The following OSCP1 variants were observed in gnomAD, a reference collection of about 807,000 sequenced individuals.
OSCP1 encodes the protein organic solute carrier partner 1.
In OSCP1, 35 loss-of-function variants were observed where a neutral mutation model predicts 45.1. That is an observed-to-expected ratio of 0.78 (90% CI 0.59 to 1.03). The LOEUF (loss-of-function observed/expected upper bound fraction) is 1.03. OSCP1 is among the 50% of genes least tolerant of loss of function. The pLI, the probability that OSCP1 is intolerant of heterozygous loss-of-function variation, is 0.00. For synonymous variants in OSCP1, 179 were observed against 180.1 expected (o/e 0.99, Z 0.05); for missense variants, 400 against 470.7 (o/e 0.85, Z 1.39).
Position 36,447,197 on chromosome 1 carries a change from A to G in OSCP1, c.112+3061T>C, listed in dbSNP as rs1394164066. Among the ~76,000 whole-genome samples the G allele has an allele frequency of 1.3e-5, 2 of 152,170 alleles. No homozygotes were observed. Among genetic ancestry groups the G allele is most frequent in the Non-Finnish European group, 2.9e-5 (2 of 68,022 alleles). ...CAGGGGCTCTCGCTCCTGTGGCCAC[A>G]ACAACTTTAAATGGTGGAATAGGTG... is the stretch of plus-strand genomic sequence containing the variant. On this transcript the variant is annotated intron_variant, in intron 1 of 9. Transcript: ENST00000235532. This position sits in a 1 kb window ranked among gnomAD's most constrained non-coding sequence, Gnocchi z 4.1.
At chr1:36,441,514 C>T (rs556098135) in intron 1 of OSCP1, among the ~76,000 whole-genome samples, 3 of 151,666 alleles carry the variant, frequency 2.0e-5, no homozygotes, top group South Asian at 2.1e-4. Context: ...TTTGGGAGGC[C>T]GAGGCGGGCG....
intron 4 of OSCP1, chr1:36,428,287 A>G (rs753718642): frequency 1.2e-6 from 2 of 1,603,264 alleles, no homozygotes; most frequent in East Asian, 4.5e-5. Context: ...ATAAGGCACT[A>G]AATACATTGC....
At position 36,420,489 on chromosome 1, in the gene OSCP1, C is replaced by T. The variant is rs148013964; in HGVS notation, c.946G>A (p.Asp316Asn). Residue 316 changes from aspartate (D) to asparagine (N), a missense_variant, in exon 8 of 10, where the codon GAT becomes AAT. Transcript: ENST00000235532. ...TTTAAAACATACTCCTCTTCTTCAT[C>T]GGTGGTAAAGAGATTCAACCGGAAT... ...PGFRLNLFTT[D>N]EEEEQAALTR... is the part of the protein sequence containing the mutation. 20 of 1,613,266 alleles carry T rather than the reference C, an allele frequency of 1.2e-5. No homozygotes were observed. The highest frequency in any genetic ancestry group is 1.1e-4 in the South Asian group (10 of 90,942).
intron 7 of OSCP1, among the ~76,000 whole-genome samples, chr1:36,421,819 T>G (rs1429478653): frequency 3.9e-5 from 6 of 152,196 alleles, no homozygotes; most frequent in African/African-American, 1.4e-4. Flanking sequence ...AAGAAATGTT[T>G]TAATGATCAG....
At chr1:36,418,929 G>GAAAAAA in intron 9 of OSCP1, 62 bp downstream of exon 9, 1 of 1,075,640 alleles carries the variant, frequency 9.3e-7, no homozygotes, top group Admixed American at 2.5e-5. Context: ...CCTGTCTCAA[G>GAAAAAA]AAAAAAAAAA....
intron 1 of OSCP1, among the ~76,000 whole-genome samples, chr1:36,449,426 TA>T (rs61706696): frequency 0.3 from 44,421 of 149,564 alleles, 6,807 homozygotes; most frequent in Admixed American, 0.4. Context: ...ATAACTTTCT[TA>T]TTTTTTTCAT....
In OSCP1 at chr1:36,418,983, G is replaced by A. The variant is rs768447921; in HGVS notation, c.1023+8C>T. 34 of 1,590,706 alleles carry A rather than the reference G, an allele frequency of 2.1e-5. 1 individual carries two copies. In the South Asian group the frequency reaches 3.5e-4, roughly 17 times the overall value. ...ACGATTGGACCCTGTGTTATCCCCT[G>A]TACGTACCTGGGTGGCTTGTATGTT... On this transcript the variant is annotated splice_region_variant and intron_variant, in intron 9 of 9. Transcript: ENST00000235532.
At chr1:36,437,814 C>G (rs115442931) in intron 2 of OSCP1, among the ~76,000 whole-genome samples, 15,557 of 152,096 alleles carry the variant, frequency 0.1, 951 homozygotes, top group East Asian at 0.29. Context: ...ACCATGCCCA[C>G]TCAGGGTTGA....
chr1:36,431,706 G>A, intron 4 of OSCP1, 96 bp downstream of exon 4: 1 of 1,202,322 alleles, frequency 8.3e-7, no homozygotes, highest in Non-Finnish European at 1.2e-6. Flanking sequence ...TCACTAACTG[G>A]GCAAAATCTC....
chr1:36,441,000 G>A (rs944340694), intron 1 of OSCP1: 7 of 152,234 alleles, frequency 4.6e-5, no homozygotes, highest in African/African-American at 1.7e-4. Flanking sequence ...AGTTCTGGAC[G>A]AAAGAATACC....
intron 4 of OSCP1, chr1:36,428,244 T>C: frequency 6.9e-7 from 1 of 1,441,384 alleles, no homozygotes; most frequent in South Asian, 1.7e-5. Flanking sequence ...TTGAAATCTA[T>C]TTATCTTCCT....
At chr1:36,422,942 T>C in intron 5 of OSCP1, 46 bp from the exon 6 acceptor site, 1 of 1,520,068 alleles carries the variant, frequency 6.6e-7, no homozygotes, top group Non-Finnish European at 8.8e-7. Context: ...CAAGCTTAGG[T>C]AGTCCTGGAG....
chr1:36,438,994 C>G, intron 1 of OSCP1, 84 bp from the exon 2 acceptor site: 2 of 1,468,402 alleles, frequency 1.4e-6, no homozygotes, highest in Non-Finnish European at 1.9e-6. Flanking sequence ...GGTACAGGAG[C>G]TGAGCGTGTA....
intron 2 of OSCP1, among the ~76,000 whole-genome samples, chr1:36,437,061 T>C (rs1327182170): frequency 3.3e-5 from 5 of 152,198 alleles, no homozygotes; most frequent in Non-Finnish European, 5.9e-5. Flanking sequence ...GATGTTACCT[T>C]GACCATCCGG....
intron 1 of OSCP1, chr1:36,440,845 G>C (rs1649087872): frequency 6.6e-6 from 1 of 152,186 alleles, no homozygotes; most frequent in Non-Finnish European, 1.5e-5. Flanking sequence ...GAGTGCCAAA[G>C]AAGAATTCAA....
Position 36,418,179 on chromosome 1 carries a change from C to T in OSCP1, c.1100G>A (p.Ser367Asn), listed in dbSNP as rs556610510. ...EITEQPRLST[S>N]KGDDLLAMMD... ...CATGGCGAGCAAATCGTCCCCTTTG[C>T]TGGTGCTCAGCCTTGGCTGCTCCGT... The change falls in exon 10 of 10, where the codon AGC becomes AAC. Residue 367 changes from serine to asparagine, a missense_variant. Ser to Asn is a conservative substitution (Grantham distance 46). Transcript: ENST00000235532. 2.5e-6 allele frequency: 4 copies of T among 1,614,210 alleles called. No homozygotes were observed. The highest frequency in any genetic ancestry group is 3.4e-6 in the Non-Finnish European group (4 of 1,180,038).
chr1:36,440,824 C>T (rs1420204560), intron 1 of OSCP1: 1 of 152,140 alleles, frequency 6.6e-6, no homozygotes, highest in African/African-American at 2.4e-5. Context: ...CTTACGTAAG[C>T]CAGGGAGGAG....
chr1:36,435,540 T>C (rs775795119), intron 2 of OSCP1, among the ~76,000 whole-genome samples: 17 of 152,206 alleles, frequency 1.1e-4, no homozygotes, highest in Non-Finnish European at 2.4e-4. Flanking sequence ...CCTAGGTATG[T>C]TTCTCACTTA....
Position 36,450,404 on chromosome 1 carries a change from C to CG in OSCP1, c.-36dup, listed in dbSNP as rs761483264. ...AACGAGCTGGACTGGTGAAGAGCCC[C>CG]GGGGTTCGGTAGCCAGTGGCCTGAA... On this transcript the variant is annotated 5_prime_UTR_variant, in exon 1 of 10. Transcript: ENST00000235532. The CG allele has an allele frequency of 1.3e-6, 2 of 1,577,620 alleles. No individual in the cohort carries two copies. Among genetic ancestry groups the CG allele is most frequent in the Admixed American group, 1.7e-5 (1 of 59,296 alleles).
Sources: gnomAD v4.1 joint callset for allele counts (sites outside exome capture counted in the v4.1 genomes callset) on GRCh38, gnomAD v4.1.1 for gene constraint, Gnocchi (gnomAD v3.1) non-coding constraint, MANE v1.5 for transcripts, NCBI Gene and HGNC (gene_info 2026-07-23, HGNC 2026-07-21) for gene names.